The following SND1 variants were observed in gnomAD, a reference collection of about 807,000 sequenced individuals.
SND1 encodes staphylococcal nuclease domain-containing protein 1.
Under a neutral mutation model 121.7 loss-of-function variants are expected in SND1, and 38 were observed. That is an observed-to-expected ratio of 0.31 (90% CI 0.24 to 0.41). The LOEUF (loss-of-function observed/expected upper bound fraction) is 0.41. SND1 is among the 10% of genes least tolerant of loss of function. The pLI is 1.00. For synonymous variants in SND1, 401 were observed against 447.4 expected, an observed-to-expected ratio of 0.90 and a Z score of 1.31; for missense variants, 868 against 1,184.6, an observed-to-expected ratio of 0.73 and a Z score of 3.92.
chr7:127,802,031 G>C (rs1798141109), intron 10 of SND1, among the ~76,000 whole-genome samples: 1 of 152,046 alleles, frequency 6.6e-6, no homozygotes, highest in Non-Finnish European at 1.5e-5. Flanking sequence ...ATTTTTAGTA[G>C]AGATGGGGTT....
chr7:127,821,411 ACCTTT>A (rs1037937385), intron 11 of SND1, among the ~76,000 whole-genome samples: 17 of 152,094 alleles, frequency 1.1e-4, no homozygotes, highest in African/African-American at 4.1e-4. Context: ...TCTGTAATTC[ACCTTT>A]GGATTGGATT....
chr7:128,022,316 G>GTA (rs1256336031), intron 16 of SND1, among the ~76,000 whole-genome samples: 1 of 151,580 alleles, frequency 6.6e-6, no homozygotes, highest in African/African-American at 2.4e-5. Flanking sequence ...AATTACTCTA[G>GTA]TAATGTTCCT....
intron 16 of SND1, among the ~76,000 whole-genome samples, chr7:128,032,528 C>T (rs1160440782): frequency 6.6e-6 from 1 of 151,718 alleles, no homozygotes; most frequent in Non-Finnish European, 1.5e-5. Flanking sequence ...AGAGCCCGCG[C>T]CGGCCCCCGC....
intron 10 of SND1, among the ~76,000 whole-genome samples, chr7:127,796,786 C>G (rs568655564): frequency 2.6e-5 from 4 of 151,598 alleles, no homozygotes; most frequent in Admixed American, 2.0e-4. Context: ...TGCCTTAATT[C>G]GTACTAATTA....
intron 11 of SND1, among the ~76,000 whole-genome samples, chr7:127,821,303 C>T (rs78344539): frequency 3.4e-3 from 514 of 152,254 alleles, no homozygotes; most frequent in Non-Finnish European, 5.6e-3. Context: ...AAGTAGCATG[C>T]GGGGTGCTTG....
chr7:127,827,321 A>C (rs1188296627), intron 11 of SND1, among the ~76,000 whole-genome samples: 1 of 152,244 alleles, frequency 6.6e-6, no homozygotes, highest in Non-Finnish European at 1.5e-5. Flanking sequence ...AAATCGTTAA[A>C]AATTTAAATA....
In SND1 at chr7:128,015,482, A is replaced by G. The variant is rs927061697; in HGVS notation, c.1779+24426A>G. Among the ~76,000 whole-genome samples, 2 of 152,188 alleles carry G rather than the reference A, an allele frequency of 1.3e-5. No individual in the cohort carries two copies. Among genetic ancestry groups the G allele is most frequent in the Non-Finnish European group, 2.9e-5 (2 of 68,028 alleles). ...AGAGTCAAAAAAGCACATGTCAGAA[A>G]TCACCTTTCTTCCTTTTCCTACCCT... On this transcript the variant is annotated intron_variant, in intron 16 of 23. Coordinates refer to ENST00000354725, the MANE Select transcript of SND1 (RefSeq NM_014390.4). This position sits in a 1 kb window ranked among gnomAD's most constrained non-coding sequence, Gnocchi z 4.5.
chr7:127,994,549 C>CAAAAAAAAAAAAAAAAAAAA (rs563548702), intron 16 of SND1, among the ~76,000 whole-genome samples: 1 of 46,218 alleles, frequency 2.2e-5, no homozygotes, highest in Non-Finnish European at 3.8e-5. Context: ...CACTTTTACT[C>CAAAAAAAAAAAAAAAAAAAA]AAAAAAAAAA....
chr7:127,930,317 A>G (rs1800935515), intron 15 of SND1, among the ~76,000 whole-genome samples: 1 of 152,224 alleles, frequency 6.6e-6, no homozygotes, highest in South Asian at 2.1e-4. Context: ...AACGGGAGTC[A>G]TGCTTGCTGC....
chr7:128,010,365 T>C (rs1003394911), intron 16 of SND1, among the ~76,000 whole-genome samples: 4 of 152,140 alleles, frequency 2.6e-5, no homozygotes, highest in Non-Finnish European at 5.9e-5. Flanking sequence ...TCTTCCCCAA[T>C]AAAAATGAGT....
chr7:127,704,626 G>A (rs1881084), intron 7 of SND1, among the ~76,000 whole-genome samples: 49,700 of 152,068 alleles, frequency 0.33, 9,063 homozygotes, highest in Admixed American at 0.42. Flanking sequence ...GTGGGGATAC[G>A]AAGCCAAGGC....
Position 127,980,556 on chromosome 7 carries a change from C to G in SND1, c.1670-10391C>G, listed in dbSNP as rs556350125. ...CACTAGCTGGTTTTTCCTCCTCATC[C>G]TACTGTAGGCTAAGTATACTAATCT... On this transcript the variant is annotated intron_variant, in intron 15 of 23. Coordinates refer to ENST00000354725, the MANE Select transcript of SND1 (RefSeq NM_014390.4). 1.2e-4 allele frequency among the ~76,000 whole-genome samples: 19 copies of G among 152,216 alleles called. No homozygotes were observed. The South Asian group carries it at 3.5e-3, about 28-fold the overall frequency.
At chr7:127,889,794 G>A (rs1327618049) in intron 13 of SND1, among the ~76,000 whole-genome samples, 1 of 151,842 alleles carries the variant, frequency 6.6e-6, no homozygotes, top group Non-Finnish European at 1.5e-5. Context: ...TCTGTGCCTG[G>A]CTTATTTCAC....
At chr7:128,014,196 G>A (rs1386458988) in intron 16 of SND1, among the ~76,000 whole-genome samples, 3 of 152,172 alleles carry the variant, frequency 2.0e-5, no homozygotes, top group Non-Finnish European at 2.9e-5. Flanking sequence ...TACAACAAGC[G>A]CTTCTGGAGT....
At chr7:127,748,037 T>C (rs1797012245) in intron 10 of SND1, among the ~76,000 whole-genome samples, 1 of 152,238 alleles carries the variant, frequency 6.6e-6, no homozygotes, top group Non-Finnish European at 1.5e-5. Context: ...TCTGTCTTTC[T>C]TTTATGTTTG....
At chr7:127,929,370 C>A (rs541754911) in intron 15 of SND1, 41 bp downstream of exon 15, 9 of 1,607,382 alleles carry the variant, frequency 5.6e-6, no homozygotes, top group African/African-American at 2.7e-5. Context: ...GCTCAGAAGT[C>A]ATCCCTGGAA....
At chr7:128,091,813 C>T (rs1283835264) in intron 22 of SND1, 24 bp from the exon 23 acceptor site, 1 of 1,613,826 alleles carries the variant, frequency 6.2e-7, no homozygotes, top group Admixed American at 1.7e-5. Context: ...TCTGACCACT[C>T]CCTTTCTTCT....
intron 22 of SND1, among the ~76,000 whole-genome samples, chr7:128,090,500 G>A (rs1793760370): frequency 6.6e-6 from 1 of 152,154 alleles, no homozygotes. Context: ...CCAGACTTGG[G>A]GAAGCTCGGG....
chr7:127,863,813 C>T (rs890781826), intron 12 of SND1, among the ~76,000 whole-genome samples: 4 of 152,156 alleles, frequency 2.6e-5, no homozygotes, highest in African/African-American at 4.8e-5. Flanking sequence ...GCCTTTGTAG[C>T]GGTAAAGCAG....
Sources: allele counts gnomAD v4.1 joint callset (sites outside exome capture counted in the v4.1 genomes callset), GRCh38; gene constraint gnomAD v4.1.1; non-coding constraint Gnocchi (gnomAD v3.1); transcripts MANE v1.5; gene names NCBI Gene and HGNC (gene_info 2026-07-23, HGNC 2026-07-21).